PCDHGA3: variants seen among roughly 807,000 people sequenced by gnomAD.
The protein encoded by PCDHGA3 is protocadherin gamma-A3.
A neutral mutation model predicts 58.5 loss-of-function variants in PCDHGA3; 40 were observed. The ratio of observed to expected loss-of-function variants is 0.68; its 90% CI spans 0.53 to 0.89. The LOEUF (loss-of-function observed/expected upper bound fraction) is 0.89, where lower values mean the gene tolerates loss of function less well. PCDHGA3 is among the 40% of genes least tolerant of loss of function. The pLI is 0.00. For missense variants in PCDHGA3, 1,223 were observed against 1,195.9 expected, an observed-to-expected ratio of 1.02 and a Z score of -0.33; for synonymous variants, 530 against 525.7, an observed-to-expected ratio of 1.01 and a Z score of -0.11.
intron 1 of PCDHGA3, among the ~76,000 whole-genome samples, chr5:141,472,980 C>CAAAAAAAAAAAAAA (rs60579131): frequency 5.8e-5 from 5 of 86,102 alleles, no homozygotes; most frequent in Admixed American, 1.2e-4. Context: ...GAGTGAAACT[C>CAAAAAAAAAAAAAA]AAAAAAAAAA....
At chr5:141,508,806 C>T (rs1243735850) in intron 3 of PCDHGA3, among the ~76,000 whole-genome samples, 1 of 152,066 alleles carries the variant, frequency 6.6e-6, no homozygotes, top group African/African-American at 2.4e-5. Flanking sequence ...AATCCTGGCT[C>T]TTTGAAGCCA....
At chr5:141,390,237 G>A (rs748278212) in intron 1 of PCDHGA3, 2 of 1,614,004 alleles carry the variant, frequency 1.2e-6, no homozygotes, top group Non-Finnish European at 1.7e-6. Flanking sequence ...TTCATCTGGG[G>A]CCTTATTTCC....
At chr5:141,394,667 G>T in intron 1 of PCDHGA3, 2 of 1,613,252 alleles carry the variant, frequency 1.2e-6, no homozygotes, top group East Asian at 2.2e-5. Flanking sequence ...GACTCTTCTC[G>T]GTGGGTCTGC....
rs1453835891 is a variant in PCDHGA3 at position 141,477,494 on chromosome 5, T to G, written c.2425-17313T>G. On this transcript the variant is annotated intron_variant, in intron 1 of 3. Coordinates refer to ENST00000253812, the MANE Select transcript of PCDHGA3 (RefSeq NM_018916.4). The surrounding 1 kb of genome is among the most constrained non-coding windows in gnomAD (Gnocchi z 4.9). ...TGACAACCCTCCACAATCTTCTCAA[T>G]CTTCCTACGACGTTTACATTGAAGA... 1 of 1,614,088 alleles carries G rather than the reference T, an allele frequency of 6.2e-7. No individual in the cohort carries two copies.
chr5:141,365,302 A>C (rs1763838303), intron 1 of PCDHGA3: 4 of 1,613,872 alleles, frequency 2.5e-6, no homozygotes, highest in Non-Finnish European at 2.5e-6. Context: ...CTCAGGATGG[A>C]GGCGCTCTTG....
At chr5:141,472,369 G>A (rs1194465676) in intron 1 of PCDHGA3, among the ~76,000 whole-genome samples, 2 of 151,770 alleles carry the variant, frequency 1.3e-5, no homozygotes, top group Admixed American at 6.6e-5. Flanking sequence ...GTGAAACCCC[G>A]TCTCCACTAA....
Position 141,374,782 on chromosome 5 carries a change from A to G in PCDHGA3, c.2424+28325A>G, listed in dbSNP as rs781674966. The G allele has an allele frequency of 1.9e-6, 3 of 1,613,904 alleles. No individual in the cohort carries two copies. The East Asian group carries it at 6.7e-5, about 36-fold the overall frequency. ...TCGCCCAAATTCTGGTAACAGTTCT[A>G]GATGTGAATGACAACACTCCAATGT... On this transcript the variant is annotated intron_variant, in intron 1 of 3. Coordinates refer to ENST00000253812, the MANE Select transcript of PCDHGA3 (RefSeq NM_018916.4).
Position 141,432,911 on chromosome 5 carries a change from C to G in PCDHGA3, c.2425-61896C>G. 5 of 1,614,176 alleles carry G rather than the reference C, an allele frequency of 3.1e-6. No homozygotes were observed. Among genetic ancestry groups the G allele is most frequent in the Non-Finnish European group, 4.2e-6 (5 of 1,180,014 alleles). Reference sequence around the variant, plus strand: ...CTTGCTGCTGGCGCTCAGGCTGCGGCGCTGGCACAAGTCACGCCTGCTGCA... The same window carrying G: ...CTTGCTGCTGGCGCTCAGGCTGCGGGGCTGGCACAAGTCACGCCTGCTGCA... On this transcript the variant is annotated intron_variant, in intron 1 of 3. Transcript: ENST00000253812. This position sits in a 1 kb window ranked among gnomAD's most constrained non-coding sequence, Gnocchi z 6.0.
At position 141,486,602 on chromosome 5, in the gene PCDHGA3, C is replaced by T; in HGVS notation, c.2425-8205C>T. The stretch of plus-strand genomic sequence containing the variant: ...TCGCCCAGGGGACCTGCTTTGCTCC[C>T]TTGCAGCCTCTGACCCAGACTCTGG... On this transcript the variant is annotated intron_variant, in intron 1 of 3. Transcript: ENST00000253812. The surrounding 1 kb of genome is among the most constrained non-coding windows in gnomAD (Gnocchi z 5.0). 6.2e-7 allele frequency: 1 copy of T among 1,613,572 alleles called. No homozygotes were observed. Among genetic ancestry groups the T allele is most frequent in the Non-Finnish European group, 8.5e-7 (1 of 1,180,026 alleles).
In PCDHGA3 at chr5:141,423,512, C is replaced by T. The variant is rs765694240; in HGVS notation, c.2425-71295C>T. 55 of 1,613,552 alleles carry T rather than the reference C, an allele frequency of 3.4e-5. No individual in the cohort carries two copies. The highest frequency in any genetic ancestry group is 2.8e-4 in the African/African-American group (21 of 74,924). On this transcript the variant is annotated intron_variant, in intron 1 of 3. Coordinates refer to ENST00000253812, the MANE Select transcript of PCDHGA3 (RefSeq NM_018916.4). ...TATTCCCACGAGGTCTCTCTCATTGCGGACTCGCAGAAGAGTCACCTGATT... is the reference window on the plus strand; with the variant it reads ...TATTCCCACGAGGTCTCTCTCATTGTGGACTCGCAGAAGAGTCACCTGATT...
chr5:141,420,405 T>C (rs1188012975), intron 1 of PCDHGA3: 7 of 1,241,232 alleles, frequency 5.6e-6, no homozygotes, highest in East Asian at 5.7e-5. Flanking sequence ...AAATTTATGG[T>C]TATCATTATT....
chr5:141,365,053 G>A, intron 1 of PCDHGA3: 1 of 1,613,802 alleles, frequency 6.2e-7, no homozygotes, highest in African/African-American at 1.3e-5. Flanking sequence ...ATGCGCCCCT[G>A]TTCACCCCAT....
chr5:141,351,474 C>A (rs1459307602), intron 1 of PCDHGA3: 1 of 1,613,696 alleles, frequency 6.2e-7, no homozygotes, highest in East Asian at 2.2e-5. Context: ...ATTGCTGGAG[C>A]CCTAAACCGG....
chr5:141,511,062 C>T lies in PCDHGA3; in HGVS notation c.2688C>T (p.Tyr896=), dbSNP rs775583963. The change falls in exon 4 of 4, where the codon TAC becomes TAT. Residue 896 remains tyrosine, a synonymous_variant. Transcript: ENST00000253812. ...TGCCCGACTACCGCCAGAATGTCTACATCCCAGGCAGCAATGCCACACTGA... is the reference window on the plus strand; with the variant it reads ...TGCCCGACTACCGCCAGAATGTCTATATCCCAGGCAGCAATGCCACACTGA... ...QHVPDYRQNV[Y]IPGSNATLTN... The T allele has an allele frequency of 6.2e-7, 1 of 1,614,246 alleles. No homozygotes were observed. The highest frequency in any genetic ancestry group is 1.3e-5 in the African/African-American group (1 of 75,064).
In PCDHGA3 at chr5:141,344,465, A is replaced by G; in HGVS notation, c.432A>G (p.Glu144=). ...AGGAATTGGAAATAAAAATTGGTGA[A>G]CTAACGGTTCCTGGAACCCGATTTC... The part of the protein sequence containing the change: ...PTEELEIKIG[E]LTVPGTRFPI... Residue 144 remains glutamate (E), a synonymous_variant, in exon 1 of 4, where the codon GAA becomes GAG. Coordinates refer to ENST00000253812, the MANE Select transcript of PCDHGA3 (RefSeq NM_018916.4). 1.2e-6 allele frequency: 2 copies of G among 1,613,906 alleles called. No homozygotes were observed. Among genetic ancestry groups the G allele is most frequent in the Non-Finnish European group, 1.7e-6 (2 of 1,179,844 alleles).
Position 141,410,070 on chromosome 5 carries a change from C to A in PCDHGA3, c.2424+63613C>A, listed in dbSNP as rs1368179504. On this transcript the variant is annotated intron_variant, in intron 1 of 3. Transcript: ENST00000253812. ...GGACTCTTCAGCCTGGGGCTGCGCA[C>A]TGGGGAGGTGCGCACGGCTCGAGCC... 6.2e-7 allele frequency: 1 copy of A among 1,612,806 alleles called. No homozygotes were observed. The highest frequency in any genetic ancestry group is 1.3e-5 in the African/African-American group (1 of 74,938).
intron 1 of PCDHGA3, chr5:141,370,874 T>A (rs369229257): frequency 1.2e-6 from 2 of 1,613,942 alleles, no homozygotes; most frequent in African/African-American, 2.7e-5. Context: ...CGCAAGATCC[T>A]GATGTAGGTG....
At position 141,361,977 on chromosome 5, in the gene PCDHGA3, C is replaced by T. The variant is rs531760752; in HGVS notation, c.2424+15520C>T. 296 of 1,601,658 alleles carry T rather than the reference C, an allele frequency of 1.8e-4. No individual in the cohort carries two copies. The Admixed American group carries it at 4.9e-3, about 27-fold the overall frequency. Reference sequence around the variant, plus strand: ...ACCACGTGCTGCAGGCCAGCGAGCCCGGGCTCTTCAGCCTGGGGTTGCGCA... The same window carrying T: ...ACCACGTGCTGCAGGCCAGCGAGCCTGGGCTCTTCAGCCTGGGGTTGCGCA... On this transcript the variant is annotated intron_variant, in intron 1 of 3. Transcript: ENST00000253812.
At chr5:141,468,755 A>G (rs918829539) in intron 1 of PCDHGA3, among the ~76,000 whole-genome samples, 3 of 151,976 alleles carry the variant, frequency 2.0e-5, no homozygotes, top group African/African-American at 7.2e-5. Flanking sequence ...AGTCCCAGCT[A>G]CTCGGGAGGC....
Sources: allele counts gnomAD v4.1 joint callset (sites outside exome capture counted in the v4.1 genomes callset), GRCh38; gene constraint gnomAD v4.1.1; non-coding constraint Gnocchi (gnomAD v3.1); transcripts MANE v1.5; gene names NCBI Gene and HGNC (gene_info 2026-07-23, HGNC 2026-07-21).